PLXDC2: variants seen among roughly 807,000 people sequenced by gnomAD.
PLXDC2 encodes the protein plexin domain containing 2.
A neutral mutation model predicts 68.9 loss-of-function variants in PLXDC2; 40 were observed. The observed-to-expected ratio is 0.58, with a 90% confidence interval of 0.45 to 0.76. The LOEUF is 0.76. PLXDC2 is among the 30% of genes least tolerant of loss of function. PLXDC2 has a pLI of 0.00. For missense variants in PLXDC2, 644 were observed against 661.9 expected (o/e 0.97, Z 0.30); for synonymous variants, 243 against 234.2 (o/e 1.04, Z -0.34).
intron 1 of PLXDC2, among the ~76,000 whole-genome samples, chr10:19,943,215 A>T (rs1833845890): frequency 6.6e-6 from 1 of 151,962 alleles, no homozygotes; most frequent in Non-Finnish European, 1.5e-5. Context: ...GATTTAGCCA[A>T]CTTTTGCTGT....
At chr10:20,183,868 A>T (rs1834641959) in intron 9 of PLXDC2, among the ~76,000 whole-genome samples, 1 of 152,024 alleles carries the variant, frequency 6.6e-6, no homozygotes, top group Non-Finnish European at 1.5e-5. Flanking sequence ...ATTCGCAGTG[A>T]GGCATGTTGA....
intron 1 of PLXDC2, among the ~76,000 whole-genome samples, chr10:19,932,453 A>G (rs1833653794): frequency 6.6e-6 from 1 of 152,232 alleles, no homozygotes; most frequent in African/African-American, 2.4e-5. Flanking sequence ...AGCACGTATT[A>G]AAATAAACAT....
chr10:20,212,353 A>G (rs961211477), intron 10 of PLXDC2, among the ~76,000 whole-genome samples: 11 of 152,168 alleles, frequency 7.2e-5, no homozygotes, highest in Non-Finnish European at 1.3e-4. Flanking sequence ...GTATAATGTT[A>G]ACTCTGAGGG....
intron 4 of PLXDC2, among the ~76,000 whole-genome samples, chr10:20,104,345 G>A (rs2131742208): frequency 6.6e-6 from 1 of 152,220 alleles, no homozygotes; most frequent in African/African-American, 2.4e-5. Context: ...CACTTCAAAA[G>A]CTATTGAAAA....
intron 2 of PLXDC2, among the ~76,000 whole-genome samples, chr10:20,044,689 C>G (rs1320501221): frequency 2.0e-5 from 3 of 152,044 alleles, no homozygotes; most frequent in Admixed American, 1.3e-4. Context: ...GCCAGTGATT[C>G]CAGGTCTCAC....
chr10:19,947,452 C>T (rs551143659), intron 1 of PLXDC2, among the ~76,000 whole-genome samples: 2 of 152,310 alleles, frequency 1.3e-5, no homozygotes, highest in South Asian at 2.1e-4. Flanking sequence ...TTGACATTTT[C>T]TAGGACTTGG....
At chr10:20,174,588 T>C (rs1446279147) in intron 7 of PLXDC2, among the ~76,000 whole-genome samples, 1 of 151,804 alleles carries the variant, frequency 6.6e-6, no homozygotes, top group Non-Finnish European at 1.5e-5. Context: ...TGATGAGTAA[T>C]TAGAAGTGGA....
At chr10:19,857,925 G>C (rs1261095676) in intron 1 of PLXDC2, among the ~76,000 whole-genome samples, 1 of 151,992 alleles carries the variant, frequency 6.6e-6, no homozygotes, top group Admixed American at 6.6e-5. Flanking sequence ...GGTGGTTTTG[G>C]CATTTTAAAT....
chr10:20,210,223 A>T (rs191015930), intron 9 of PLXDC2, among the ~76,000 whole-genome samples: 2 of 152,300 alleles, frequency 1.3e-5, no homozygotes, highest in Admixed American at 1.3e-4. Context: ...TAAGTTACAA[A>T]TTAGACACCA....
chr10:20,085,749 C>G (rs7090101), intron 4 of PLXDC2, among the ~76,000 whole-genome samples: 9 of 151,994 alleles, frequency 5.9e-5, no homozygotes, highest in South Asian at 2.1e-4. Context: ...CAACACCTCC[C>G]TCAAGATGAT....
chr10:20,281,957 T>C lies in PLXDC2; in HGVS notation c.*2138T>C, dbSNP rs1177383326. ...ATCTTGCATGTGTATTCTTAGTTTG[T>C]GTCCCTTAAGTACTACTTAATTCTC... On this transcript the variant is annotated 3_prime_UTR_variant, in exon 14 of 14. Transcript: ENST00000377252. The C allele has an allele frequency of 6.6e-6, 1 of 152,210 alleles. No individual in the cohort carries two copies. The highest frequency in any genetic ancestry group is 1.5e-5 in the Non-Finnish European group (1 of 68,028). The allele number at this position is 152,210 out of a possible 1,614,324, so 9.4% of individuals were successfully genotyped here. A position where few individuals can be genotyped will look rare whatever the true frequency, so the allele number is the denominator to read the frequency against.
At chr10:20,131,123 G>A in intron 4 of PLXDC2, among the ~76,000 whole-genome samples, 1 of 148,830 alleles carries the variant, frequency 6.7e-6, no homozygotes, top group East Asian at 2.0e-4. Flanking sequence ...GCATCTCTTT[G>A]TTTGGAGGTT....
intron 1 of PLXDC2, among the ~76,000 whole-genome samples, chr10:19,891,104 C>T (rs947793534): frequency 5.9e-5 from 9 of 152,198 alleles, no homozygotes; most frequent in African/African-American, 1.7e-4. Context: ...TCTTTTATGT[C>T]TTTCTCTGTC....
At chr10:19,862,161 G>A (rs11011648) in intron 1 of PLXDC2, among the ~76,000 whole-genome samples, 84,841 of 151,912 alleles carry the variant, frequency 0.56, 23,849 homozygotes, top group East Asian at 0.7. Context: ...ATGTATAGCC[G>A]TAATTGATGC....
intron 4 of PLXDC2, among the ~76,000 whole-genome samples, chr10:20,123,471 C>T (rs1404914850): frequency 2.6e-5 from 4 of 151,806 alleles, no homozygotes; most frequent in South Asian, 2.2e-4. Flanking sequence ...TCGAAAGTGC[C>T]GTTTTCTGGC....
intron 3 of PLXDC2, 83 bp from the exon 4 acceptor site, chr10:20,068,087 T>C: frequency 8.4e-7 from 1 of 1,193,892 alleles, no homozygotes; most frequent in Non-Finnish European, 1.2e-6. Flanking sequence ...AAGCATCATT[T>C]TTGTTTTAAG....
intron 13 of PLXDC2, among the ~76,000 whole-genome samples, chr10:20,259,524 C>T (rs2119363448): frequency 6.6e-6 from 1 of 152,220 alleles, no homozygotes; most frequent in African/African-American, 2.4e-5. Flanking sequence ...AGTTTATGGC[C>T]AAACTGCAGG....
At chr10:19,964,534 A>C (rs370626573) in intron 1 of PLXDC2, among the ~76,000 whole-genome samples, 1 of 152,218 alleles carries the variant, frequency 6.6e-6, no homozygotes, top group African/African-American at 2.4e-5. Flanking sequence ...CCTATAGGAA[A>C]TATAATAAGC....
intron 4 of PLXDC2, among the ~76,000 whole-genome samples, chr10:20,103,389 A>G (rs1316965004): frequency 6.6e-6 from 1 of 152,178 alleles, no homozygotes; most frequent in African/African-American, 2.4e-5. Context: ...GTCACTGCTC[A>G]TATTGATAAG....
Sources: allele counts gnomAD v4.1 joint callset (sites outside exome capture counted in the v4.1 genomes callset), GRCh38; gene constraint gnomAD v4.1.1; transcripts MANE v1.5; gene names NCBI Gene and HGNC (gene_info 2026-07-23, HGNC 2026-07-21).